STAG2: variants seen among roughly 807,000 people sequenced by gnomAD.
STAG2 encodes STAG2 cohesin complex component, also known as cohesin subunit SA-2.
Under a neutral mutation model 108.1 loss-of-function variants are expected in STAG2, and 14 were observed. That is an observed-to-expected ratio of 0.13 (90% confidence interval 0.09 to 0.20). STAG2 has a LOEUF of 0.20. STAG2 is among the 10% of genes least tolerant of loss of function. STAG2 has a pLI of 1.00. For missense variants in STAG2, 440 were observed against 940.9 expected, an observed-to-expected ratio of 0.47 and a Z score of 6.96; for synonymous variants, 307 against 302.7, an observed-to-expected ratio of 1.01 and a Z score of -0.15.
intron 9 of STAG2, among the ~76,000 whole-genome samples, 175 bp from the exon 10 acceptor site, chrX:124,048,830 T>G (rs1296612620): frequency 1.8e-5 from 2 of 111,937 alleles, no homozygotes; most frequent in Non-Finnish European, 3.8e-5. Context: ...TAAGGGACTT[T>G]ATCTACCTGG....
chrX:123,979,736 T>C lies in STAG2; in HGVS notation c.-163+17880T>C, dbSNP rs779392470. ...AGTACAGGTCTCTTAAAGCTGCTGCTTCTTACTTAACTTGCAACCCCTCAT... is the reference window on the plus strand; with the variant it reads ...AGTACAGGTCTCTTAAAGCTGCTGCCTCTTACTTAACTTGCAACCCCTCAT... On this transcript the variant is annotated intron_variant, in intron 1 of 34. Coordinates refer to ENST00000371145, the MANE Select transcript of STAG2 (RefSeq NM_001042750.2). Among the ~76,000 whole-genome samples the C allele has an allele frequency of 5.3e-3, 586 of 111,438 alleles. 1 individual carries two copies. The highest frequency in any genetic ancestry group is 8.9e-3 in the Non-Finnish European group (474 of 53,133).
At chrX:124,031,175 A>G in intron 5 of STAG2, 50 bp downstream of exon 5, 1 of 1,143,687 alleles carries the variant, frequency 8.7e-7, no homozygotes, top group Non-Finnish European at 1.2e-6. Flanking sequence ...TTAAACTTTA[A>G]TGAGTTATAT....
At chrX:123,994,694 TAA>T (rs999049704) in intron 1 of STAG2, among the ~76,000 whole-genome samples, 4 of 112,102 alleles carry the variant, frequency 3.6e-5, no homozygotes, top group Non-Finnish European at 7.5e-5. Context: ...CACAATACTT[TAA>T]GAGTGTAGTC....
chrX:124,081,350 C>T (rs2058958321), intron 27 of STAG2, 30 bp from the exon 28 acceptor site: 2 of 1,055,874 alleles, frequency 1.9e-6, no homozygotes, highest in Non-Finnish European at 1.3e-6. Context: ...GTATTAAGAA[C>T]TTTAACATGC....
intron 1 of STAG2, among the ~76,000 whole-genome samples, chrX:123,972,540 G>C (rs1030716990): frequency 2.8e-4 from 31 of 109,141 alleles, no homozygotes; most frequent in African/African-American, 1.0e-3. Context: ...CAAAGTGCCG[G>C]GATTACAGGC....
chrX:124,030,337 T>G (rs1244624355), intron 4 of STAG2, among the ~76,000 whole-genome samples: 1 of 112,187 alleles, frequency 8.9e-6, no homozygotes, highest in Non-Finnish European at 1.9e-5. Flanking sequence ...ATTTTTGCAG[T>G]GTTTTTCAAA....
At chrX:123,961,256 TCTTC>T (rs1304577251), upstream of STAG2, 1 of 106,726 alleles carries the variant, frequency 9.4e-6, no homozygotes, top group African/African-American at 3.4e-5. Flanking sequence ...GAAGATTTTC[TCTTC>T]CTTCCCTCGC....
intron 34 of STAG2, 90 bp downstream of exon 34, chrX:124,095,539 T>C: frequency 6.0e-6 from 4 of 661,490 alleles, no homozygotes; most frequent in Non-Finnish European, 9.6e-6. Flanking sequence ...GGCAGCATAC[T>C]GAGAATAGAT....
intron 3 of STAG2, among the ~76,000 whole-genome samples, chrX:124,024,091 T>A: frequency 9.0e-6 from 1 of 111,599 alleles, no homozygotes; most frequent in Middle Eastern, 4.7e-3. Context: ...TGGTTGGGAG[T>A]ATTTTAGACT....
At chrX:124,003,182 G>A (rs750490949) in intron 1 of STAG2, among the ~76,000 whole-genome samples, 5 of 109,826 alleles carry the variant, frequency 4.6e-5, no homozygotes, top group Non-Finnish European at 7.6e-5. Flanking sequence ...TGACCAGGGT[G>A]GTCTCAAACT....
chrX:123,971,979 G>T (rs764208335), intron 1 of STAG2, among the ~76,000 whole-genome samples: 2 of 111,772 alleles, frequency 1.8e-5, no homozygotes, highest in Admixed American at 1.9e-4. Flanking sequence ...CTTTTATTGT[G>T]ATTTTTAAAG....
At chrX:124,070,910 A>G (rs1474099122) in intron 24 of STAG2, among the ~76,000 whole-genome samples, 1 of 111,263 alleles carries the variant, frequency 9.0e-6, no homozygotes, top group Non-Finnish European at 1.9e-5. Context: ...ATTAAAAAAA[A>G]TTTGTGAAAT....
chrX:123,963,403 T>C (rs1053037411), intron 1 of STAG2: 1 of 111,523 alleles, frequency 9.0e-6, no homozygotes, highest in African/African-American at 3.3e-5. Flanking sequence ...ATAATTCAGG[T>C]AGTTTAGGCT....
intron 3 of STAG2, 37 bp from the exon 4 acceptor site, chrX:124,025,803 C>T (rs1569506089): frequency 1.0e-6 from 1 of 1,000,613 alleles, no homozygotes. Flanking sequence ...ATATAAATTT[C>T]TAAGGAAGGG....
At chrX:123,995,984 A>G (rs771921387) in intron 1 of STAG2, among the ~76,000 whole-genome samples, 44 of 112,032 alleles carry the variant, frequency 3.9e-4, no homozygotes, top group South Asian at 7.4e-4. Context: ...GAGGTTCACC[A>G]GTATCCTGAA....
At chrX:124,028,820 ATATTT>A (rs2057203719) in intron 4 of STAG2, among the ~76,000 whole-genome samples, 1 of 27,772 alleles carries the variant, frequency 3.6e-5, no homozygotes, top group Non-Finnish European at 7.3e-5. Flanking sequence ...ATATATATAT[ATATTT>A]TTTTTTTTAT....
At chrX:124,055,061 C>T (rs2058155849) in intron 13 of STAG2, among the ~76,000 whole-genome samples, 1 of 111,992 alleles carries the variant, frequency 8.9e-6, no homozygotes, top group African/African-American at 3.2e-5. Flanking sequence ...GTGACCACAC[C>T]CAGCCTGATT....
rs562234730 is a variant in STAG2 at position 124,039,304 on chromosome X, C to T, written c.385+1681C>T. ...CTGAATAGCTGGGACTACAGGCTCACGACAACACGCCCAGCTAATTTTTTG... is the reference window on the plus strand; with the variant it reads ...CTGAATAGCTGGGACTACAGGCTCATGACAACACGCCCAGCTAATTTTTTG... On this transcript the variant is annotated intron_variant, in intron 6 of 34. Transcript: ENST00000371145. Among the ~76,000 whole-genome samples, 6 of 109,258 alleles carry T rather than the reference C, an allele frequency of 5.5e-5. No homozygotes were observed. In the South Asian group the frequency reaches 2.0e-3, roughly 36 times the overall value. 94.9% of individuals were successfully genotyped at this position (109,258 alleles called of 115,157 possible).
intron 4 of STAG2, among the ~76,000 whole-genome samples, chrX:124,029,207 T>C (rs7877574): frequency 0.23 from 24,369 of 105,804 alleles, 2,207 homozygotes; most frequent in South Asian, 0.39. Context: ...TTAGTAGAGA[T>C]GGGGTTTCAC....
Sources: allele counts gnomAD v4.1 joint callset (sites outside exome capture counted in the v4.1 genomes callset), GRCh38; gene constraint gnomAD v4.1.1; transcripts MANE v1.5; gene names NCBI Gene and HGNC (gene_info 2026-07-23, HGNC 2026-07-21).